IQSEC3: variants seen among roughly 807,000 people sequenced by gnomAD.
IQSEC3 encodes IQ motif and Sec7 domain ArfGEF 3.
IQSEC3 carries 50 observed loss-of-function variants against 105.4 expected under a neutral mutation model. The observed-to-expected ratio is 0.47, with a 90% CI of 0.38 to 0.60. The LOEUF is 0.60. IQSEC3 is among the 20% of genes least tolerant of loss of function. The pLI is 0.00. For missense variants in IQSEC3, 1,415 were observed against 1,630.0 expected, an observed-to-expected ratio of 0.87 and a Z score of 2.27; for synonymous variants, 708 against 746.0, an observed-to-expected ratio of 0.95 and a Z score of 0.83.
At chr12:118,439 C>A (rs560567580) in intron 2 of IQSEC3, among the ~76,000 whole-genome samples, 1 of 150,942 alleles carries the variant, frequency 6.6e-6, no homozygotes, top group South Asian at 2.1e-4. Flanking sequence ...GGGGACGTGA[C>A]GCATGTTGTT....
At chr12:98,947 T>G in intron 1 of IQSEC3, among the ~76,000 whole-genome samples, 199 bp from the exon 2 acceptor site, 1 of 152,140 alleles carries the variant, frequency 6.6e-6, no homozygotes, top group East Asian at 1.9e-4. Context: ...TAATGGGTGA[T>G]TTAAGAGGCC....
intron 1 of IQSEC3, among the ~76,000 whole-genome samples, chr12:82,940 G>A (rs1483550766): frequency 1.3e-5 from 2 of 152,216 alleles, no homozygotes; most frequent in Admixed American, 6.5e-5. Context: ...TTCAGCAGGG[G>A]ATAGGGGAAA....
intron 2 of IQSEC3, among the ~76,000 whole-genome samples, chr12:107,976 C>T (rs1555078504): frequency 1.3e-5 from 2 of 152,216 alleles, no homozygotes; most frequent in East Asian, 1.9e-4. Context: ...GCTCTTCCTC[C>T]TCCTCTTCAG....
intron 2 of IQSEC3, among the ~76,000 whole-genome samples, chr12:100,503 T>C (rs7315421): frequency 0.56 from 85,603 of 152,014 alleles, 24,453 homozygotes; most frequent in East Asian, 0.83. Flanking sequence ...GCTGTTCATT[T>C]TGCCTCATAG....
At chr12:85,067 A>C (rs1863873770) in intron 1 of IQSEC3, among the ~76,000 whole-genome samples, 1 of 152,182 alleles carries the variant, frequency 6.6e-6, no homozygotes, top group African/African-American at 2.4e-5. Flanking sequence ...TTAGTATCAT[A>C]TTTTTCCATG....
chr12:100,516 G>A (rs1192036247), intron 2 of IQSEC3, among the ~76,000 whole-genome samples: 1 of 152,162 alleles, frequency 6.6e-6, no homozygotes, highest in Non-Finnish European at 1.5e-5. Flanking sequence ...CCTCATAGGG[G>A]AGCCAGCAGA....
At position 138,483 on chromosome 12, in the gene IQSEC3, T is replaced by C. The variant is rs1555087239; in HGVS notation, c.1120T>C (p.Tyr374His). Residue 374 changes from tyrosine to histidine, a missense_variant, in exon 4 of 14, where the codon TAC becomes CAC. Coordinates refer to ENST00000538872, the MANE Select transcript of IQSEC3 (RefSeq NM_001170738.2). The surrounding 1 kb of genome is among the most constrained non-coding windows in gnomAD (Gnocchi z 7.1). ...GGCCGAGAAAGCGCTCATGGAGGGC[T>C]ACGGCCTCGTGGGGCTGCCGCTGGT... Reference protein sequence around the residue: ...LAAEKALMEGYGLVGLPLVRS... With the variant: ...LAAEKALMEGHGLVGLPLVRS... 1 of 1,593,822 alleles carries C rather than the reference T, an allele frequency of 6.3e-7. No individual in the cohort carries two copies. Among genetic ancestry groups the C allele is most frequent in the Non-Finnish European group, 8.5e-7 (1 of 1,175,666 alleles).
intron 1 of IQSEC3, among the ~76,000 whole-genome samples, chr12:91,837 C>A (rs148754938): frequency 2.0e-5 from 3 of 152,186 alleles, no homozygotes; most frequent in Admixed American, 2.0e-4. Context: ...TGACCCCCAG[C>A]TTCCCCTCTT....
intron 2 of IQSEC3, among the ~76,000 whole-genome samples, chr12:115,175 A>T (rs1865010623): frequency 6.6e-6 from 1 of 151,626 alleles, no homozygotes. Flanking sequence ...GGGTCACAAG[A>T]CTCCTGTTTT....
chr12:75,649 G>A (rs1357091040), intron 1 of IQSEC3, among the ~76,000 whole-genome samples: 6 of 152,268 alleles, frequency 3.9e-5, no homozygotes, highest in Admixed American at 6.5e-5. Flanking sequence ...GGTTGGTGTC[G>A]CACGAGCCTG....
chr12:165,344 G>A, intron 9 of IQSEC3, 90 bp from the exon 10 acceptor site: 1 of 927,370 alleles, frequency 1.1e-6, no homozygotes, highest in Non-Finnish European at 1.8e-6. Flanking sequence ...GCGTGGGTTT[G>A]TGTGATCGTG....
intron 1 of IQSEC3, among the ~76,000 whole-genome samples, chr12:84,054 C>T (rs1214015913): frequency 6.6e-6 from 1 of 152,218 alleles, no homozygotes; most frequent in Admixed American, 6.5e-5. Context: ...GTGTGAGCCT[C>T]TTACACCCTG....
At chr12:148,324 C>T (rs921467379) in intron 5 of IQSEC3, 3 of 152,166 alleles carry the variant, frequency 2.0e-5, no homozygotes, top group African/African-American at 4.8e-5. Context: ...CCCAGCAATC[C>T]GTGCACTAAT....
chr12:71,081 A>G (rs1157599894), intron 1 of IQSEC3, among the ~76,000 whole-genome samples: 1 of 152,268 alleles, frequency 6.6e-6, no homozygotes, highest in Non-Finnish European at 1.5e-5. Context: ...TAAACACAAA[A>G]TCAATCTTGA....
intron 1 of IQSEC3, among the ~76,000 whole-genome samples, chr12:88,343 C>A (rs1565386413): frequency 6.6e-6 from 1 of 152,154 alleles, no homozygotes; most frequent in Non-Finnish European, 1.5e-5. Context: ...AACTCATACT[C>A]TTTTATGAAC....
At chr12:97,794 T>A (rs1555075075) in intron 1 of IQSEC3, among the ~76,000 whole-genome samples, 1 of 152,160 alleles carries the variant, frequency 6.6e-6, no homozygotes, top group Non-Finnish European at 1.5e-5. Context: ...CAAAGCCCTG[T>A]CTCTAAAATA....
At chr12:153,953 G>A (rs1216063991) in intron 5 of IQSEC3, among the ~76,000 whole-genome samples, 2 of 152,200 alleles carry the variant, frequency 1.3e-5, no homozygotes, top group East Asian at 1.9e-4. Flanking sequence ...TGGGTCTGGG[G>A]TGGGGTCCAG....
chr12:84,836 C>A (rs144850063), intron 1 of IQSEC3, among the ~76,000 whole-genome samples: 2 of 152,254 alleles, frequency 1.3e-5, no homozygotes, highest in East Asian at 3.9e-4. Flanking sequence ...TTCTGTCAAA[C>A]TTCAAGAGTC....
intron 2 of IQSEC3, among the ~76,000 whole-genome samples, chr12:121,426 G>A (rs1401807677): frequency 2.6e-5 from 4 of 152,234 alleles, no homozygotes; most frequent in East Asian, 1.9e-4. Context: ...AAGAGAGGGT[G>A]TAAGGACTCA....
Sources: allele counts gnomAD v4.1 joint callset (sites outside exome capture counted in the v4.1 genomes callset), GRCh38; gene constraint gnomAD v4.1.1; non-coding constraint Gnocchi (gnomAD v3.1); transcripts MANE v1.5; gene names NCBI Gene and HGNC (gene_info 2026-07-23, HGNC 2026-07-21).